KIAA0319: variants seen among roughly 807,000 people sequenced by gnomAD.
The protein encoded by KIAA0319 is dyslexia-associated protein KIAA0319.
KIAA0319 carries 83 observed loss-of-function variants against 108.4 expected under a neutral mutation model. The observed-to-expected ratio is 0.77, with a 90% CI of 0.64 to 0.92. The LOEUF is 0.92. Among genes scored for constraint, KIAA0319 ranks in the 40% least tolerant of loss-of-function variants. KIAA0319 has a pLI of 0.00. For missense variants in KIAA0319, 1,195 were observed against 1,322.4 expected (o/e 0.90, Z 1.49); for synonymous variants, 484 against 510.4 (o/e 0.95, Z 0.70).
chr6:24,572,298 T>C (rs1437054747), intron 11 of KIAA0319, among the ~76,000 whole-genome samples: 1 of 152,060 alleles, frequency 6.6e-6, no homozygotes, highest in Non-Finnish European at 1.5e-5. Flanking sequence ...CCCTTCAAGA[T>C]CCCCTGGAGC....
chr6:24,589,594 C>T, intron 3 of KIAA0319, among the ~76,000 whole-genome samples: 1 of 152,192 alleles, frequency 6.6e-6, no homozygotes, highest in Admixed American at 6.5e-5. Flanking sequence ...GGCATTTCCC[C>T]TGCTTGCTCT....
intron 6 of KIAA0319, 33 bp downstream of exon 6, chr6:24,582,216 G>A: frequency 8.5e-7 from 1 of 1,177,342 alleles, no homozygotes; most frequent in Non-Finnish European, 1.3e-6. Context: ...GTTACGCTGT[G>A]CTGTTAGACA....
intron 14 of KIAA0319, among the ~76,000 whole-genome samples, chr6:24,565,752 C>CAAAAAA (rs71542686): frequency 6.4e-5 from 4 of 62,636 alleles, no homozygotes; most frequent in African/African-American, 1.8e-4. Context: ...GACTCCATCT[C>CAAAAAA]AAAAAAAAAA....
In KIAA0319 at chr6:24,596,531, A is replaced by G; in HGVS notation, c.143T>C (p.Val48Ala). The part of the protein sequence containing the change: ...PNLETTRIMR[V>A]SHTFPVVDCT... Reference sequence around the variant, plus strand: ...GTCTACGACAGGGAAGGTGTGAGACACCCGCATGATTCTGGTGGTTTCCAA... The same window carrying G: ...GTCTACGACAGGGAAGGTGTGAGACGCCCGCATGATTCTGGTGGTTTCCAA... Residue 48 changes from valine to alanine, a missense_variant, in exon 3 of 21, where the codon GTG (valine) becomes GCG (alanine). Val to Ala is a moderately conservative substitution (Grantham distance 64). Coordinates refer to ENST00000378214, the MANE Select transcript of KIAA0319 (RefSeq NM_014809.4). The G allele has an allele frequency of 6.2e-7, 1 of 1,613,936 alleles. No individual in the cohort carries two copies. The highest frequency in any genetic ancestry group is 8.5e-7 in the Non-Finnish European group (1 of 1,180,004).
intron 1 of KIAA0319, among the ~76,000 whole-genome samples, chr6:24,622,904 T>G (rs1015923387): frequency 6.6e-6 from 1 of 152,140 alleles, no homozygotes; most frequent in Non-Finnish European, 1.5e-5. Flanking sequence ...TCGGACATGG[T>G]GGCAGGTGCC....
intron 1 of KIAA0319, among the ~76,000 whole-genome samples, chr6:24,607,153 T>C (rs1771533329): frequency 2.0e-5 from 3 of 152,152 alleles, no homozygotes; most frequent in Non-Finnish European, 4.4e-5. Flanking sequence ...GTCAGGAATT[T>C]GAGACCAGCC....
At chr6:24,642,045 G>A (rs7759410) in intron 1 of KIAA0319, among the ~76,000 whole-genome samples, 1 of 95,098 alleles carries the variant, frequency 1.1e-5, no homozygotes, top group Non-Finnish European at 2.0e-5. Flanking sequence ...GGGAGAGAAA[G>A]GAAGGGGAGG....
At position 24,578,170 on chromosome 6, in the gene KIAA0319, GTCT is replaced by G. The variant is rs1561978668; in HGVS notation, c.1442_1444del (p.Lys481del). On this transcript the variant is annotated inframe_deletion, in exon 9 of 21. Transcript: ENST00000378214. ...GCGTAAGACGGGAGAGTCAACTGAA[GTCT>G]TCTCTTCTATGAAGGGCCCGTTTAT... 1.2e-6 allele frequency: 2 copies of G among 1,613,176 alleles called. No individual in the cohort carries two copies.
chr6:24,621,201 T>A (rs1366149458), intron 1 of KIAA0319, among the ~76,000 whole-genome samples: 1 of 152,234 alleles, frequency 6.6e-6, no homozygotes, highest in Non-Finnish European at 1.5e-5. Flanking sequence ...ATCTGGAGAT[T>A]CCTGAAGACA....
At position 24,583,590 on chromosome 6, in the gene KIAA0319, G is replaced by C. The variant is rs750410212; in HGVS notation, c.1093+14C>G. 6.3e-7 allele frequency: 1 copy of C among 1,581,820 alleles called. No homozygotes were observed. Among genetic ancestry groups the C allele is most frequent in the Non-Finnish European group, 8.7e-7 (1 of 1,151,468 alleles). On this transcript the variant is annotated intron_variant, in intron 5 of 20. Transcript: ENST00000378214. ...CCAGTTCCTAGTGGTCAGGGAGGAA[G>C]GTTAAACTCTCACCTACAGGTGGCG...
intron 9 of KIAA0319, among the ~76,000 whole-genome samples, chr6:24,576,876 T>C (rs1765622359): frequency 6.6e-6 from 1 of 151,808 alleles, no homozygotes; most frequent in African/African-American, 2.4e-5. Context: ...AGTGAGCCGA[T>C]ATTGCTCCAC....
Position 24,547,055 on chromosome 6 carries a change from C to T in KIAA0319, c.*110G>A. 1.7e-6 allele frequency: 2 copies of T among 1,190,012 alleles called. No homozygotes were observed. The highest frequency in any genetic ancestry group is 2.4e-6 in the Non-Finnish European group (2 of 824,368). 73.7% of individuals were successfully genotyped at this position (1,190,012 alleles called of 1,614,324 possible). A position where few individuals can be genotyped will look rare whatever the true frequency, so the allele number is the denominator to read the frequency against. On this transcript the variant is annotated 3_prime_UTR_variant, in exon 21 of 21. Coordinates refer to ENST00000378214, the MANE Select transcript of KIAA0319 (RefSeq NM_014809.4). Reference sequence around the variant, plus strand: ...TACGTGGGGATACACATCTAACCCACTGGGGAAGAAGGTCAATGAACTATT... The same window carrying T: ...TACGTGGGGATACACATCTAACCCATTGGGGAAGAAGGTCAATGAACTATT...
At chr6:24,604,077 C>T (rs1031287012) in intron 1 of KIAA0319, among the ~76,000 whole-genome samples, 13 of 152,104 alleles carry the variant, frequency 8.5e-5, no homozygotes, top group African/African-American at 1.7e-4. Flanking sequence ...GTCAGTACAA[C>T]GGACCTGAGG....
intron 1 of KIAA0319, among the ~76,000 whole-genome samples, chr6:24,640,795 G>T (rs1440941433): frequency 1.3e-5 from 2 of 151,956 alleles, no homozygotes; most frequent in Admixed American, 1.3e-4. Flanking sequence ...TGGGATGACA[G>T]GCACATACCA....
chr6:24,579,412 G>GATATATATATATATATATATAT lies in KIAA0319; in HGVS notation c.1372+445_1372+446insATATATATATATATATATATAT, dbSNP rs3840133. ...GGTCACGGGAGCTCCTCTATATAAA[G>GATATATATATATATATATATAT]ATATATATATATATATATATCTTAT... On this transcript the variant is annotated intron_variant, in intron 8 of 20. Transcript: ENST00000378214. Among the ~76,000 whole-genome samples the GATATATATATATATATATATAT allele has an allele frequency of 5.9e-4, 75 of 127,232 alleles. 3 individuals are homozygous for GATATATATATATATATATATAT. Among genetic ancestry groups the GATATATATATATATATATATAT allele is most frequent in the African/African-American group, 1.8e-3 (56 of 31,442 alleles). The allele number at this position is 127,232 out of a possible 152,430, so 83.5% of individuals were successfully genotyped here. A position where few individuals can be genotyped will look rare whatever the true frequency, so the allele number is the denominator to read the frequency against.
chr6:24,619,313 G>A (rs562231495), intron 1 of KIAA0319, among the ~76,000 whole-genome samples: 4 of 152,266 alleles, frequency 2.6e-5, no homozygotes, highest in African/African-American at 7.2e-5. Context: ...GTGAGAGGAC[G>A]GTGTCTTGCA....
chr6:24,577,257 A>C (rs1258572892), intron 9 of KIAA0319, among the ~76,000 whole-genome samples: 1 of 152,204 alleles, frequency 6.6e-6, no homozygotes, highest in East Asian at 1.9e-4. Context: ...GATCAGGTTT[A>C]AGTTCTGCCT....
intron 18 of KIAA0319, among the ~76,000 whole-genome samples, chr6:24,555,520 G>T (rs955676036): frequency 1.4e-5 from 2 of 142,218 alleles, no homozygotes; most frequent in African/African-American, 5.3e-5. Flanking sequence ...AAAAAAAAAA[G>T]GTTTAACTTT....
chr6:24,591,608 G>A (rs537204489), intron 3 of KIAA0319, among the ~76,000 whole-genome samples: 4 of 152,132 alleles, frequency 2.6e-5, no homozygotes, highest in Non-Finnish European at 5.9e-5. Context: ...CTCAAAAAAC[G>A]AAAATCAAAA....
Sources: allele counts gnomAD v4.1 joint callset (sites outside exome capture counted in the v4.1 genomes callset), GRCh38; gene constraint gnomAD v4.1.1; transcripts MANE v1.5; gene names NCBI Gene and HGNC (gene_info 2026-07-23, HGNC 2026-07-21).